The following ADGRL3 variants were observed in gnomAD, a reference collection of about 807,000 sequenced individuals.
ADGRL3 encodes the protein calcium-independent alpha-latrotoxin receptor 3.
Under a neutral mutation model 153.5 loss-of-function variants are expected in ADGRL3, and 62 were observed. The observed-to-expected ratio is 0.40, with a 90% CI of 0.33 to 0.50. The LOEUF (loss-of-function observed/expected upper bound fraction) is 0.50, where lower values mean the gene tolerates loss of function less well. ADGRL3 is among the 20% of genes least tolerant of loss of function. The probability of loss-of-function intolerance (pLI) is 0.47; values close to 1 mark genes in which losing one functional copy is unlikely to be tolerated. For missense variants in ADGRL3, 1,641 were observed against 1,859.4 expected (o/e 0.88, Z 2.16); for synonymous variants, 710 against 672.5 (o/e 1.06, Z -0.86).
chr4:61,645,425 G>A (rs1049465227), intron 5 of ADGRL3, among the ~76,000 whole-genome samples: 31 of 150,718 alleles, frequency 2.1e-4, no homozygotes, highest in African/African-American at 4.6e-4. Context: ...GGCTGGTACC[G>A]GTTGTTCCTT....
chr4:61,318,210 A>AC (rs35821289), intron 1 of ADGRL3, among the ~76,000 whole-genome samples: 63,540 of 136,272 alleles, frequency 0.47, 16,962 homozygotes, highest in East Asian at 0.66. Context: ...AAAAAAAAAA[A>AC]AAAACACAAA....
chr4:61,363,821 G>A (rs2096338666), intron 1 of ADGRL3, among the ~76,000 whole-genome samples: 1 of 151,982 alleles, frequency 6.6e-6, no homozygotes, highest in African/African-American at 2.4e-5. Context: ...TTACAGATGA[G>A]TAAATTGAGG....
chr4:61,761,717 G>A (rs763456338), intron 8 of ADGRL3, among the ~76,000 whole-genome samples: 1 of 152,204 alleles, frequency 6.6e-6, no homozygotes, highest in Non-Finnish European at 1.5e-5. Context: ...ATTGCTTGAA[G>A]CCAGAAGTTC....
chr4:61,214,038 G>C (rs1417570662), intron 1 of ADGRL3, among the ~76,000 whole-genome samples: 1 of 152,094 alleles, frequency 6.6e-6, no homozygotes, highest in Non-Finnish European at 1.5e-5. Context: ...ATTGTTCATA[G>C]CTACTAATTC....
At chr4:61,886,562 G>T (rs1302635681) in intron 9 of ADGRL3, among the ~76,000 whole-genome samples, 2 of 151,846 alleles carry the variant, frequency 1.3e-5, no homozygotes, top group Non-Finnish European at 2.9e-5. Context: ...GAATAAAAAA[G>T]AAAATTAATA....
chr4:61,876,417 A>G lies in ADGRL3; in HGVS notation c.1481-16239A>G, dbSNP rs2098475544. On this transcript the variant is annotated intron_variant, in intron 9 of 26. Transcript: ENST00000683033. ...CCCTGATGCACGGCCTTGCCTGGCT[A>G]GTGGTATAAAATATGACCACTTTCC... Among the ~76,000 whole-genome samples the G allele has an allele frequency of 2.0e-5, 3 of 152,254 alleles. No homozygotes were observed. In the South Asian group the frequency reaches 6.2e-4, roughly 32 times the overall value.
intron 1 of ADGRL3, among the ~76,000 whole-genome samples, chr4:61,310,278 A>G (rs2094948503): frequency 6.6e-6 from 1 of 151,964 alleles, no homozygotes; most frequent in African/African-American, 2.4e-5. Flanking sequence ...CTCAGTGATT[A>G]TTTATTTATT....
At chr4:61,506,487 C>T (rs2098430131) in intron 3 of ADGRL3, among the ~76,000 whole-genome samples, 2 of 152,084 alleles carry the variant, frequency 1.3e-5, no homozygotes, top group African/African-American at 4.8e-5. Context: ...GCCCACTGGA[C>T]TGTAACTAAG....
chr4:61,649,166 A>C (rs972003046), intron 5 of ADGRL3, among the ~76,000 whole-genome samples: 1 of 152,072 alleles, frequency 6.6e-6, no homozygotes, highest in Admixed American at 6.6e-5. Context: ...TAGTAAATAT[A>C]GTTTACTAGC....
chr4:61,268,841 C>T (rs2093000937), intron 1 of ADGRL3, among the ~76,000 whole-genome samples: 1 of 151,474 alleles, frequency 6.6e-6, no homozygotes, highest in African/African-American at 2.4e-5. Flanking sequence ...CAAAAACCTA[C>T]ATTAATTCTT....
chr4:61,820,088 T>C (rs1430150015), intron 9 of ADGRL3, among the ~76,000 whole-genome samples: 2 of 152,156 alleles, frequency 1.3e-5, no homozygotes, highest in Non-Finnish European at 2.9e-5. Context: ...AGTCACAGTG[T>C]GTTTCTTTTC....
At chr4:61,704,991 C>T (rs1021663733) in intron 6 of ADGRL3, among the ~76,000 whole-genome samples, 4 of 152,094 alleles carry the variant, frequency 2.6e-5, no homozygotes, top group African/African-American at 9.7e-5. Flanking sequence ...AGTCTTGAAC[C>T]CTTCAAAGTC....
intron 2 of ADGRL3, among the ~76,000 whole-genome samples, chr4:61,458,163 T>G (rs529323775): frequency 6.6e-6 from 1 of 151,776 alleles, no homozygotes; most frequent in Non-Finnish European, 1.5e-5. Context: ...TTTATTCCAC[T>G]GTTATTTAAT....
rs879818809 is a variant in ADGRL3 at position 61,200,464 on chromosome 4, G to A, written c.-1541G>A. Among the ~76,000 whole-genome samples, 9 of 151,732 alleles carry A rather than the reference G, an allele frequency of 5.9e-5. No homozygotes were observed. The highest frequency in any genetic ancestry group is 1.7e-4 in the African/African-American group (7 of 41,352). ...CCGGCACCGCTCGCTCCAGTTCCCAGGAGCGGGGATGCAGATGCTGCAGCT... is the reference window on the plus strand; with the variant it reads ...CCGGCACCGCTCGCTCCAGTTCCCAAGAGCGGGGATGCAGATGCTGCAGCT... On this transcript the variant is annotated 5_prime_UTR_variant, in exon 1 of 27. Transcript: ENST00000683033.
chr4:61,600,160 T>G (rs2149509428), intron 5 of ADGRL3, among the ~76,000 whole-genome samples: 1 of 151,686 alleles, frequency 6.6e-6, no homozygotes, highest in South Asian at 2.1e-4. Context: ...ATACAGAAAT[T>G]AGCTGGGTGT....
chr4:61,366,592 C>T (rs897034705), intron 1 of ADGRL3, among the ~76,000 whole-genome samples: 4 of 152,122 alleles, frequency 2.6e-5, no homozygotes, highest in African/African-American at 9.7e-5. Context: ...TTAATTGGAT[C>T]AACTTGCATT....
At chr4:61,675,643 TTTTA>T (rs71213003) in intron 5 of ADGRL3, among the ~76,000 whole-genome samples, 9 of 139,792 alleles carry the variant, frequency 6.4e-5, no homozygotes, top group Non-Finnish European at 9.3e-5. Flanking sequence ...GCTTAGAAAG[TTTTA>T]TTTATTTATT....
At chr4:61,688,337 G>A (rs1377596674) in intron 6 of ADGRL3, among the ~76,000 whole-genome samples, 1 of 152,016 alleles carries the variant, frequency 6.6e-6, no homozygotes, top group Non-Finnish European at 1.5e-5. Flanking sequence ...AAGCACTAGA[G>A]AATGTAACTT....
chr4:61,294,889 ACACACACACACACT>A (rs1463295486), intron 1 of ADGRL3, among the ~76,000 whole-genome samples: 70 of 39,990 alleles, frequency 1.8e-3, no homozygotes, highest in East Asian at 9.3e-3. Context: ...AATTTTACAC[ACACACACACACACT>A]CACACACACA....
Sources: allele counts gnomAD v4.1 joint callset (sites outside exome capture counted in the v4.1 genomes callset), GRCh38; gene constraint gnomAD v4.1.1; transcripts MANE v1.5; gene names NCBI Gene and HGNC (gene_info 2026-07-23, HGNC 2026-07-21).